The following HSPA12A variants were observed in gnomAD, a reference collection of about 807,000 sequenced individuals.
HSPA12A encodes heat shock 70 kDa protein 12A.
Under a neutral mutation model 69.2 loss-of-function variants are expected in HSPA12A, and 28 were observed. The ratio of observed to expected loss-of-function variants is 0.40; its 90% CI spans 0.30 to 0.55. HSPA12A has a LOEUF of 0.55. Ranked by LOEUF, HSPA12A falls within the 20% of genes least tolerant of loss-of-function variation. The pLI, the probability that HSPA12A is intolerant of heterozygous loss-of-function variation, is 0.38. For missense variants in HSPA12A, 686 were observed against 900.7 expected (o/e 0.76, Z 3.05); for synonymous variants, 345 against 370.5 (o/e 0.93, Z 0.79).
chr10:116,842,277 G>T (rs928495944), intron 1 of HSPA12A, among the ~76,000 whole-genome samples: 10 of 152,176 alleles, frequency 6.6e-5, no homozygotes, highest in South Asian at 2.1e-4. Flanking sequence ...GAGTCACAGA[G>T]AAAACATTTT....
In HSPA12A at chr10:116,750,658, GAAGAAACCC is replaced by G. The variant is rs1399477139; in HGVS notation, c.92-43382_92-43374del. ...CTATGCAACAGAATACAGTCTATGG[GAAGAAACCC>G]AAGAAAGAAGTTTAAATAAAGAGAG... On this transcript the variant is annotated intron_variant, in intron 2 of 12. Coordinates refer to the HSPA12A transcript ENST00000635765. The G allele has an allele frequency of 1.6e-5, 3 of 188,996 alleles. No homozygotes were observed. In the East Asian group the frequency reaches 4.7e-4, roughly 30 times the overall value. The allele number at this position is 188,996 out of a possible 1,614,324, so 11.7% of individuals were successfully genotyped here.
intron 1 of HSPA12A, among the ~76,000 whole-genome samples, chr10:116,840,224 G>A (rs982333512): frequency 6.6e-6 from 1 of 152,066 alleles, no homozygotes; most frequent in African/African-American, 2.4e-5. Context: ...TTTATAAGAA[G>A]TATACAAAAA....
chr10:116,793,956 TGGAAG>T (rs1366831220), intron 2 of HSPA12A, among the ~76,000 whole-genome samples: 2 of 152,146 alleles, frequency 1.3e-5, no homozygotes, highest in Non-Finnish European at 2.9e-5. Flanking sequence ...CCCAGCACTT[TGGAAG>T]GCTGACGTGG....
Position 116,766,900 on chromosome 10 carries a change from A to G in HSPA12A, c.92-59615T>C, listed in dbSNP as rs1844089817. 2.0e-5 allele frequency among the ~76,000 whole-genome samples: 3 copies of G among 152,198 alleles called. No individual in the cohort carries two copies. The South Asian group carries it at 6.2e-4, about 32-fold the overall frequency. ...ACTGGCACCCGTAGGGCCCCCAGGG[A>G]ACTGCTGGGTTTGCGTCCACCAGTC... On this transcript the variant is annotated intron_variant, in intron 2 of 12. Coordinates refer to the HSPA12A transcript ENST00000635765.
At chr10:116,692,979 C>T (rs1318413931) in intron 5 of HSPA12A, among the ~76,000 whole-genome samples, 1 of 152,182 alleles carries the variant, frequency 6.6e-6, no homozygotes, top group African/African-American at 2.4e-5. Flanking sequence ...AATGGGAATA[C>T]TGAGACTTTG....
intron 6 of HSPA12A, among the ~76,000 whole-genome samples, chr10:116,685,521 G>A (rs1849553997): frequency 6.6e-6 from 1 of 151,698 alleles, no homozygotes; most frequent in Non-Finnish European, 1.5e-5. Flanking sequence ...TGTAATCCCA[G>A]CTACTCGGGA....
intron 2 of HSPA12A, among the ~76,000 whole-genome samples, chr10:116,773,974 A>C (rs1844273012): frequency 6.6e-6 from 1 of 151,430 alleles, no homozygotes; most frequent in Non-Finnish European, 1.5e-5. Flanking sequence ...AGTGGCATTC[A>C]CTATGACATG....
At chr10:116,775,838 G>A (rs1329713214) in intron 2 of HSPA12A, among the ~76,000 whole-genome samples, 2 of 152,120 alleles carry the variant, frequency 1.3e-5, no homozygotes, top group Non-Finnish European at 2.9e-5. Flanking sequence ...TGTCCCTGGG[G>A]TCTTGTGAGG....
chr10:116,818,947 T>A (rs1353167681), intron 2 of HSPA12A, among the ~76,000 whole-genome samples: 4 of 151,918 alleles, frequency 2.6e-5, no homozygotes, highest in Admixed American at 2.6e-4. Flanking sequence ...ACCTTGACCT[T>A]CTCTGTTAAC....
chr10:116,710,688 A>T lies in HSPA12A; in HGVS notation c.41-3403T>A, dbSNP rs1432041297. 1.3e-5 allele frequency among the ~76,000 whole-genome samples: 2 copies of T among 152,220 alleles called. No individual in the cohort carries two copies. Among genetic ancestry groups the T allele is most frequent in the African/African-American group, 4.8e-5 (2 of 41,470 alleles). ...TACACTGTGCAATGATTGAAAACTG[A>T]TCTGCACAGAAGGTATGGAGGGGTA... is the stretch of plus-strand genomic sequence containing the variant. On this transcript the variant is annotated intron_variant, in intron 1 of 11. Transcript: ENST00000369209. The surrounding 1 kb of genome is among the most constrained non-coding windows in gnomAD (Gnocchi z 4.1).
chr10:116,847,841 A>G (rs2133230699), intron 1 of HSPA12A, among the ~76,000 whole-genome samples: 1 of 152,302 alleles, frequency 6.6e-6, no homozygotes, highest in Non-Finnish European at 1.5e-5. Context: ...GGATACTCGC[A>G]ATCTTCCATT....
At position 116,802,589 on chromosome 10, in the gene HSPA12A, GAAC is replaced by G. The variant is rs1469392796; in HGVS notation, c.91+32343_91+32345del. Among the ~76,000 whole-genome samples, 16 of 152,256 alleles carry G rather than the reference GAAC, an allele frequency of 1.1e-4. No individual in the cohort carries two copies. The East Asian group carries it at 2.7e-3, about 26-fold the overall frequency. On this transcript the variant is annotated intron_variant, in intron 2 of 12. Coordinates refer to the HSPA12A transcript ENST00000635765. ...TGAGAATGTGTTACTTTTATAATTA[GAAC>G]AACAACAGGAACAAAAAAAGACAAT...
At chr10:116,784,929 C>G (rs1554892185) in intron 2 of HSPA12A, among the ~76,000 whole-genome samples, 1 of 152,198 alleles carries the variant, frequency 6.6e-6, no homozygotes, top group African/African-American at 2.4e-5. Context: ...GAGGCAGCTG[C>G]TCCTAGGCAG....
chr10:116,740,666 G>C (rs1370797348), intron 1 of HSPA12A, among the ~76,000 whole-genome samples: 2 of 12,848 alleles, frequency 1.6e-4, no homozygotes, highest in Non-Finnish European at 3.5e-4. Flanking sequence ...GTGTGTGTGT[G>C]TGTGTGTGTC....
At chr10:116,849,728 C>G (rs1428378166) in exon 1 of HSPA12A, 2 of 1,521,002 alleles carry the variant, frequency 1.3e-6, no homozygotes, top group South Asian at 1.3e-5. Context: ...TCTACGGGCA[C>G]CTGGTAGGGA....
chr10:116,737,194 G>A (rs1554886508), intron 1 of HSPA12A, among the ~76,000 whole-genome samples: 1 of 152,178 alleles, frequency 6.6e-6, no homozygotes, highest in Admixed American at 6.5e-5. Context: ...AACCCAGGCA[G>A]TCTGGCCCCA....
intron 2 of HSPA12A, among the ~76,000 whole-genome samples, chr10:116,794,764 G>A (rs1303039536): frequency 6.6e-6 from 1 of 151,696 alleles, no homozygotes; most frequent in Non-Finnish European, 1.5e-5. Flanking sequence ...AGTGAGCCGA[G>A]ATCACACCAC....
chr10:116,746,763 A>G (rs1455233068), upstream of HSPA12A, among the ~76,000 whole-genome samples: 2 of 152,182 alleles, frequency 1.3e-5, no homozygotes, highest in African/African-American at 2.4e-5. Flanking sequence ...TCCAGGCAAG[A>G]TTTTCTTGGC....
chr10:116,761,193 T>C (rs1843962776), intron 2 of HSPA12A, among the ~76,000 whole-genome samples: 1 of 151,950 alleles, frequency 6.6e-6, no homozygotes, highest in African/African-American at 2.4e-5. Flanking sequence ...CTACTAAAAA[T>C]ACAAACATTA....
Sources: allele counts gnomAD v4.1 joint callset (sites outside exome capture counted in the v4.1 genomes callset), GRCh38; gene constraint gnomAD v4.1.1; non-coding constraint Gnocchi (gnomAD v3.1); transcripts MANE v1.5; gene names NCBI Gene and HGNC (gene_info 2026-07-23, HGNC 2026-07-21).